BANF2: variants seen among roughly 807,000 people sequenced by gnomAD.
The protein encoded by BANF2 is BANF family member 2.
Under a neutral mutation model 8.0 loss-of-function variants are expected in BANF2, and 4 were observed. The ratio of observed to expected loss-of-function variants is 0.50; its 90% CI spans 0.25 to 1.14. The LOEUF (loss-of-function observed/expected upper bound fraction) is 1.14. Ranked by LOEUF, BANF2 falls within the 50% of genes most tolerant of loss-of-function variation. The pLI, the probability that BANF2 is intolerant of heterozygous loss-of-function variation, is 0.16. For missense variants in BANF2, 96 were observed against 107.5 expected, an observed-to-expected ratio of 0.89 and a Z score of 0.47; for synonymous variants, 50 against 40.6, an observed-to-expected ratio of 1.23 and a Z score of -0.88.
intron 1 of BANF2, among the ~76,000 whole-genome samples, chr20:17,694,601 CTT>C (rs869067650): frequency 1.2e-3 from 31 of 26,744 alleles, no homozygotes; most frequent in African/African-American, 2.4e-3. Context: ...TTTTCTCTCT[CTT>C]TTTTTTTTTT....
chr20:17,727,702 C>T (rs767393337), intron 3 of BANF2, among the ~76,000 whole-genome samples: 5 of 151,770 alleles, frequency 3.3e-5, no homozygotes, highest in African/African-American at 7.3e-5. Flanking sequence ...CAGATTTAGC[C>T]AATAAAGATG....
chr20:17,706,116 G>T (rs750512158), intron 1 of BANF2, among the ~76,000 whole-genome samples: 7 of 152,226 alleles, frequency 4.6e-5, no homozygotes, highest in Admixed American at 1.3e-4. Flanking sequence ...GGTTGAAGGG[G>T]CTTGAAGGTT....
At chr20:17,719,907 G>C (rs1327851125) in intron 1 of BANF2, among the ~76,000 whole-genome samples, 1 of 152,132 alleles carries the variant, frequency 6.6e-6, no homozygotes, top group Non-Finnish European at 1.5e-5. Context: ...CCATTTAGCT[G>C]GAACCCCATC....
chr20:17,694,599 CTCTTTTTTTTTTTTT>C (rs1190301153), intron 1 of BANF2, among the ~76,000 whole-genome samples: 76 of 82,786 alleles, frequency 9.2e-4, no homozygotes, highest in East Asian at 4.1e-3. Flanking sequence ...TTTTTTCTCT[CTCTTTTTTTTTTTTT>C]TTTTTTTTTT....
At chr20:17,719,603 C>T (rs2037701188) in intron 1 of BANF2, among the ~76,000 whole-genome samples, 1 of 151,088 alleles carries the variant, frequency 6.6e-6, no homozygotes, top group Non-Finnish European at 1.5e-5. Flanking sequence ...CCCAAGTCAA[C>T]AGAGAGTAAT....
chr20:17,696,821 G>A (rs2037349770), upstream of BANF2, among the ~76,000 whole-genome samples: 1 of 152,132 alleles, frequency 6.6e-6, no homozygotes, highest in Non-Finnish European at 1.5e-5. Flanking sequence ...TCTTTTCAGT[G>A]GCAGTTCCAG....
intron 1 of BANF2, among the ~76,000 whole-genome samples, chr20:17,700,713 C>A (rs542579212): frequency 6.6e-6 from 1 of 152,308 alleles, no homozygotes; most frequent in African/African-American, 2.4e-5. Context: ...GAGGCCAAAG[C>A]CATCTCTCAA....
At chr20:17,717,516 A>G (rs1292622882) in intron 1 of BANF2, among the ~76,000 whole-genome samples, 6 of 152,314 alleles carry the variant, frequency 3.9e-5, no homozygotes, top group African/African-American at 1.2e-4. Context: ...AAATTTAACT[A>G]CAAAGTGAAA....
In BANF2 at chr20:17,731,996, G is replaced by A. The variant is rs553926029; in HGVS notation, c.127-3669G>A. Among the ~76,000 whole-genome samples, 4 of 151,886 alleles carry A rather than the reference G, an allele frequency of 2.6e-5. No individual in the cohort carries two copies. In the South Asian group the frequency reaches 8.3e-4, roughly 31 times the overall value. The stretch of plus-strand genomic sequence containing the variant: ...CAGGAGAATCGCTTGAACCTGGGAT[G>A]CAGAGGTTGCAGTGAGCCAAGACCG... On this transcript the variant is annotated intron_variant, in intron 3 of 3. Transcript: ENST00000246090.
chr20:17,712,637 T>A (rs1232774315), intron 1 of BANF2: 1 of 740,204 alleles, frequency 1.4e-6, no homozygotes, highest in Non-Finnish European at 1.6e-6. Flanking sequence ...TGAGCCTTCT[T>A]CCTCTTTCTA....
At chr20:17,693,752 C>A in intron 1 of BANF2, 1 of 1,548,454 alleles carries the variant, frequency 6.5e-7, no homozygotes, top group Non-Finnish European at 8.7e-7. Context: ...GGGGAAGAGA[C>A]GGCGGGGAAA....
intron 1 of BANF2, 90 bp from the exon 2 acceptor site, chr20:17,722,626 G>A (rs6044966): frequency 1.7e-5 from 11 of 639,840 alleles, no homozygotes; most frequent in African/African-American, 4.0e-5. Flanking sequence ...AAGAGAGGTC[G>A]ATGCCCTCGG....
intron 3 of BANF2, among the ~76,000 whole-genome samples, chr20:17,732,005 G>T (rs1019220017): frequency 6.6e-6 from 1 of 151,780 alleles, no homozygotes; most frequent in African/African-American, 2.4e-5. Flanking sequence ...TGCAGAGGTT[G>T]CAGTGAGCCA....
chr20:17,730,165 T>C (rs2122648857), intron 3 of BANF2, among the ~76,000 whole-genome samples: 1 of 152,350 alleles, frequency 6.6e-6, no homozygotes, highest in South Asian at 2.1e-4. Flanking sequence ...AAGTGCATTA[T>C]GTATATTTAT....
chr20:17,716,050 A>C (rs901588970), intron 1 of BANF2, among the ~76,000 whole-genome samples: 2 of 152,106 alleles, frequency 1.3e-5, no homozygotes, highest in Non-Finnish European at 2.9e-5. Flanking sequence ...GCCCTCACAG[A>C]AAGTGACTCA....
chr20:17,706,888 G>A (rs1181513818), intron 1 of BANF2, among the ~76,000 whole-genome samples: 2 of 152,166 alleles, frequency 1.3e-5, no homozygotes, highest in Non-Finnish European at 2.9e-5. Flanking sequence ...GTCCATGCAG[G>A]CAAGTAGACG....
At chr20:17,704,163 G>A (rs2037449413) in intron 1 of BANF2, among the ~76,000 whole-genome samples, 2 of 152,342 alleles carry the variant, frequency 1.3e-5, no homozygotes, top group South Asian at 2.1e-4. Context: ...AGGGGAAACT[G>A]TCCACTTCCT....
intron 3 of BANF2, among the ~76,000 whole-genome samples, chr20:17,733,595 CACTT>C (rs1178205124): frequency 1.3e-5 from 2 of 152,172 alleles, no homozygotes; most frequent in African/African-American, 4.8e-5. Flanking sequence ...GCTCAATTAA[CACTT>C]AATAAATGTT....
At chr20:17,699,688 G>A (rs1568804587), upstream of BANF2, among the ~76,000 whole-genome samples, 2 of 152,182 alleles carry the variant, frequency 1.3e-5, no homozygotes, top group Non-Finnish European at 1.5e-5. Context: ...AATAGGAACC[G>A]TGGCAGCAAG....
Sources: allele counts gnomAD v4.1 joint callset (sites outside exome capture counted in the v4.1 genomes callset), GRCh38; gene constraint gnomAD v4.1.1; transcripts MANE v1.5; gene names NCBI Gene and HGNC (gene_info 2026-07-23, HGNC 2026-07-21).